The following IPMK variants were observed in gnomAD, a reference collection of about 807,000 sequenced individuals.
IPMK encodes the protein inositol 1,3,4,6-tetrakisphosphate 5-kinase.
IPMK carries 17 observed loss-of-function variants against 45.8 expected under a neutral mutation model. The observed-to-expected ratio is 0.37, with a 90% CI of 0.25 to 0.56. The LOEUF is 0.56. Ranked by LOEUF, IPMK falls within the 20% of genes least tolerant of loss-of-function variation. The probability of loss-of-function intolerance (pLI) is 0.79; values close to 1 mark genes in which losing one functional copy is unlikely to be tolerated. For synonymous variants in IPMK, 180 were observed against 184.3 expected (o/e 0.98, Z 0.19); for missense variants, 399 against 498.0 (o/e 0.80, Z 1.89).
At chr10:58,250,213 C>T (rs77418137) in intron 1 of IPMK, among the ~76,000 whole-genome samples, 11,979 of 152,152 alleles carry the variant, frequency 0.079, 636 homozygotes, top group African/African-American at 0.15. Flanking sequence ...TTCTATTTCT[C>T]TGATGAATGT....
intron 1 of IPMK, among the ~76,000 whole-genome samples, chr10:58,252,873 T>C (rs1373367568): frequency 6.6e-6 from 1 of 151,938 alleles, no homozygotes; most frequent in Non-Finnish European, 1.5e-5. Flanking sequence ...CGACCTCCCA[T>C]AGTGCTAGGA....
At chr10:58,231,214 G>A (rs1438511432) in intron 2 of IPMK, among the ~76,000 whole-genome samples, 1 of 152,188 alleles carries the variant, frequency 6.6e-6, no homozygotes, top group Admixed American at 6.5e-5. Context: ...GGTATACCTG[G>A]AAGCGATGGG....
In IPMK at chr10:58,246,577, G is replaced by T. The variant is rs1281467221; in HGVS notation, c.191-8763C>A. On this transcript the variant is annotated intron_variant, in intron 1 of 5. Transcript: ENST00000373935. ...GAAAGGATTCCCTATTGAATAAATG[G>T]TGCTGGGAAAACTGGCTAGCCATAT... Among the ~76,000 whole-genome samples the T allele has an allele frequency of 3.8e-4, 50 of 131,970 alleles. 1 individual carries two copies. The highest frequency in any genetic ancestry group is 1.6e-3 in the African/African-American group (45 of 27,552). The allele number at this position is 131,970 out of a possible 152,430, so 86.6% of individuals were successfully genotyped here.
At chr10:58,267,305 T>C in intron 1 of IPMK, 117 bp downstream of exon 1, 1 of 953,746 alleles carries the variant, frequency 1.0e-6, no homozygotes, top group Non-Finnish European at 1.6e-6. Flanking sequence ...GGCCAGGGAT[T>C]TGGCGTGCAC....
intron 4 of IPMK, chr10:58,212,682 A>G (rs750004109): frequency 4.4e-5 from 11 of 251,094 alleles, no homozygotes; most frequent in Middle Eastern, 9.5e-4. Flanking sequence ...AAGGATGTGC[A>G]GCCTCTGTCG....
chr10:58,264,350 TAA>T (rs1839117622), intron 1 of IPMK, among the ~76,000 whole-genome samples: 2 of 152,206 alleles, frequency 1.3e-5, no homozygotes, highest in African/African-American at 4.8e-5. Context: ...GGATATCTAA[TAA>T]AAAGAGACTA....
Position 58,227,023 on chromosome 10 carries a change from A to G in IPMK, c.373+20T>C, listed in dbSNP as rs1340679021. On this transcript the variant is annotated intron_variant, in intron 3 of 5. Coordinates refer to ENST00000373935, the MANE Select transcript of IPMK (RefSeq NM_152230.5). ...CACTCATGAATTAAAACTGAAAGAT[A>G]ATTTTTATGACAAGATTACCGTTTG... 6.5e-7 allele frequency: 1 copy of G among 1,545,964 alleles called. No individual in the cohort carries two copies. The highest frequency in any genetic ancestry group is 1.7e-5 in the Admixed American group (1 of 58,590).
chr10:58,222,394 G>A (rs1297449742), intron 3 of IPMK, among the ~76,000 whole-genome samples: 1 of 152,128 alleles, frequency 6.6e-6, no homozygotes, highest in East Asian at 1.9e-4. Context: ...AGACGTGTGT[G>A]TATCATAAAG....
Position 58,267,676 on chromosome 10 carries a change from C to T in IPMK, c.-65G>A, listed in dbSNP as rs1588977340. 5.0e-6 allele frequency: 5 copies of T among 1,008,788 alleles called. No individual in the cohort carries two copies. The highest frequency in any genetic ancestry group is 7.6e-6 in the Non-Finnish European group (5 of 661,080). The allele number at this position is 1,008,788 out of a possible 1,614,324, so 62.5% of individuals were successfully genotyped here. On this transcript the variant is annotated 5_prime_UTR_variant, in exon 1 of 6. Transcript: ENST00000373935. The stretch of plus-strand genomic sequence containing the variant: ...AAAAAATAGGGCGAGGGAGGGGGCG[C>T]CGGAGAACCCGAGGGTCGCTCAGGC...
At chr10:58,204,564 C>T (rs936039346) in intron 4 of IPMK, among the ~76,000 whole-genome samples, 4 of 152,050 alleles carry the variant, frequency 2.6e-5, no homozygotes, top group Admixed American at 6.6e-5. Context: ...GAGGCCAAGG[C>T]GGGAGGATCA....
chr10:58,211,055 G>T (rs191201212), intron 4 of IPMK, among the ~76,000 whole-genome samples: 1 of 152,270 alleles, frequency 6.6e-6, no homozygotes, highest in Non-Finnish European at 1.5e-5. Flanking sequence ...TTTAGAGAAA[G>T]AATTATAAAA....
At chr10:58,257,880 T>A (rs1366456832) in intron 1 of IPMK, among the ~76,000 whole-genome samples, 1 of 152,210 alleles carries the variant, frequency 6.6e-6, no homozygotes, top group Admixed American at 6.5e-5. Context: ...TTCATTAAGA[T>A]GATATAAAAA....
chr10:58,202,017 C>A (rs1040006784), intron 4 of IPMK, among the ~76,000 whole-genome samples: 1 of 152,162 alleles, frequency 6.6e-6, no homozygotes, highest in Non-Finnish European at 1.5e-5. Context: ...AAGAAAAGTG[C>A]AAACTAGCAA....
chr10:58,249,086 GT>G (rs1219672509), intron 1 of IPMK, among the ~76,000 whole-genome samples: 1 of 152,154 alleles, frequency 6.6e-6, no homozygotes, highest in Non-Finnish European at 1.5e-5. Flanking sequence ...TTTATTTTTA[GT>G]TTTTTGAGGA....
intron 2 of IPMK, among the ~76,000 whole-genome samples, chr10:58,232,931 G>C (rs1838547490): frequency 6.6e-6 from 1 of 152,016 alleles, no homozygotes; most frequent in South Asian, 2.1e-4. Flanking sequence ...TAGACCACTA[G>C]CAAGATTAAT....
At chr10:58,251,319 G>A (rs976686149) in intron 1 of IPMK, among the ~76,000 whole-genome samples, 6 of 151,590 alleles carry the variant, frequency 4.0e-5, no homozygotes, top group East Asian at 1.9e-4. Context: ...CTTCTATATC[G>A]TTTCTGGGTT....
At chr10:58,217,580 CG>C (rs1291107377) in intron 3 of IPMK, among the ~76,000 whole-genome samples, 1 of 147,788 alleles carries the variant, frequency 6.8e-6, no homozygotes, top group Non-Finnish European at 1.5e-5. Context: ...CCCAACTACT[CG>C]GGAGGCTGAG....
chr10:58,208,622 T>A (rs1192546041), intron 4 of IPMK, among the ~76,000 whole-genome samples: 3 of 152,076 alleles, frequency 2.0e-5, no homozygotes, highest in Non-Finnish European at 4.4e-5. Flanking sequence ...TTATAGAGAG[T>A]CTTTGTGTGC....
At position 58,263,405 on chromosome 10, in the gene IPMK, T is replaced by C. The variant is rs201688402; in HGVS notation, c.190+4017A>G. Among the ~76,000 whole-genome samples the C allele has an allele frequency of 4.5e-4, 68 of 152,030 alleles. No individual in the cohort carries two copies. The East Asian group carries it at 9.3e-3, about 21-fold the overall frequency. ...CAGGCATGGTGGTGCACTCCTGTAA[T>C]CCTAGCTACTTAAGAGGCTGAGGCA... On this transcript the variant is annotated intron_variant, in intron 1 of 5. Coordinates refer to ENST00000373935, the MANE Select transcript of IPMK (RefSeq NM_152230.5).
Sources: gnomAD v4.1 joint callset for allele counts (sites outside exome capture counted in the v4.1 genomes callset) on GRCh38, gnomAD v4.1.1 for gene constraint, MANE v1.5 for transcripts, NCBI Gene and HGNC (gene_info 2026-07-23, HGNC 2026-07-21) for gene names.